Variants in SLC12A6 observed in about 807,000 individuals in gnomAD.
The protein encoded by SLC12A6 is K-Cl cotransporter 3.
Under a neutral mutation model 135.3 loss-of-function variants are expected in SLC12A6, and 66 were observed. The ratio of observed to expected loss-of-function variants is 0.49; its 90% confidence interval spans 0.40 to 0.60. The LOEUF is 0.60. Ranked by LOEUF, SLC12A6 falls within the 20% of genes least tolerant of loss-of-function variation. SLC12A6 has a pLI of 0.00. For missense variants in SLC12A6, 1,058 were observed against 1,452.3 expected (o/e 0.73, Z 4.41); for synonymous variants, 513 against 508.8 (o/e 1.01, Z -0.11).
At chr15:34,319,313 G>C (rs967674382) in intron 2 of SLC12A6, among the ~76,000 whole-genome samples, 6 of 148,236 alleles carry the variant, frequency 4.0e-5, no homozygotes, top group African/African-American at 1.5e-4. Context: ...TTTTTTTTTT[G>C]TATTTTTAGT....
intron 3 of SLC12A6, among the ~76,000 whole-genome samples, chr15:34,268,407 T>C (rs1281941155): frequency 6.6e-6 from 1 of 152,192 alleles, no homozygotes; most frequent in Admixed American, 6.5e-5. Context: ...GGTAGTGTTG[T>C]GCAATGGGAG....
chr15:34,259,382 G>A (rs1043754791), intron 4 of SLC12A6, among the ~76,000 whole-genome samples: 1 of 151,826 alleles, frequency 6.6e-6, no homozygotes, highest in Non-Finnish European at 1.5e-5. Flanking sequence ...GGGCATGGTG[G>A]CTCACACCTG....
chr15:34,269,413 TTATAC>T (rs1241313369), intron 3 of SLC12A6, among the ~76,000 whole-genome samples: 5 of 152,220 alleles, frequency 3.3e-5, no homozygotes, highest in Admixed American at 2.0e-4. Context: ...CAATTACCAC[TTATAC>T]TATAATTTGG....
intron 2 of SLC12A6, chr15:34,318,909 A>C: frequency 1.9e-6 from 2 of 1,037,970 alleles, no homozygotes; most frequent in Non-Finnish European, 2.6e-6. Context: ...AGGATTAAGC[A>C]CTCCACCCTT....
chr15:34,326,223 T>C (rs776222746), intron 2 of SLC12A6, among the ~76,000 whole-genome samples: 4 of 152,172 alleles, frequency 2.6e-5, no homozygotes, highest in African/African-American at 4.8e-5. Context: ...AGATAGGACC[T>C]GAGAATCCCA....
At chr15:34,326,858 CTT>C (rs397963192) in intron 2 of SLC12A6, among the ~76,000 whole-genome samples, 17 of 72,172 alleles carry the variant, frequency 2.4e-4, no homozygotes, top group East Asian at 1.3e-3. Flanking sequence ...CAACTGGCTG[CTT>C]TTTTTTTTTT....
intron 2 of SLC12A6, among the ~76,000 whole-genome samples, chr15:34,333,238 T>C (rs905706487): frequency 2.0e-5 from 3 of 150,320 alleles, no homozygotes; most frequent in Admixed American, 6.6e-5. Context: ...TTTTCTTTTT[T>C]TTTTTTTTTG....
chr15:34,238,138 C>T, intron 21 of SLC12A6, 94 bp downstream of exon 21: 1 of 907,356 alleles, frequency 1.1e-6, no homozygotes, highest in South Asian at 1.3e-5. Flanking sequence ...TTCTAAACCC[C>T]AACACTATTA....
intron 24 of SLC12A6, among the ~76,000 whole-genome samples, 188 bp downstream of exon 24, chr15:34,235,827 A>T (rs575233554): frequency 6.6e-6 from 1 of 152,296 alleles, no homozygotes; most frequent in East Asian, 1.9e-4. Context: ...GAGGTGAACT[A>T]TGTGGATAGA....
chr15:34,256,256 C>T lies in SLC12A6; in HGVS notation c.718G>A (p.Ala240Thr). The change falls in exon 7 of 26, where the codon GCC becomes ACC. Residue 240 changes from alanine to threonine, a missense_variant. By Grantham distance (58) the Ala-to-Thr change is moderately conservative (BLOSUM62 0). This residue lies in a region of SLC12A6 where 139 missense variants were observed against 202.2 expected (regional missense o/e 0.69). Coordinates refer to ENST00000354181, the MANE Select transcript of SLC12A6 (RefSeq NM_001365088.1). ...CTMLTAISMSAIATNGVVPAG... is the reference protein window; with the variant it reads ...CTMLTAISMSTIATNGVVPAG... ...GGCACCACTCCATTAGTGGCAATGG[C>T]ACTCATGGAGATAGCAGTCAACATT... 1 of 1,607,728 alleles carries T rather than the reference C, an allele frequency of 6.2e-7. No individual in the cohort carries two copies. Among genetic ancestry groups the T allele is most frequent in the Non-Finnish European group, 8.5e-7 (1 of 1,174,158 alleles).
At chr15:34,300,396 G>A (rs1239233904) in intron 2 of SLC12A6, among the ~76,000 whole-genome samples, 3 of 152,130 alleles carry the variant, frequency 2.0e-5, no homozygotes, top group Non-Finnish European at 4.4e-5. Flanking sequence ...AGTGTCGACA[G>A]TACAACATTG....
chr15:34,337,052 C>T, intron 1 of SLC12A6: 1 of 333,788 alleles, frequency 3.0e-6, no homozygotes, highest in Non-Finnish European at 5.7e-6. Context: ...AGCCTCCCTC[C>T]CCTCAGCCCC....
chr15:34,297,723 A>G (rs931406283), intron 2 of SLC12A6, among the ~76,000 whole-genome samples: 3 of 152,240 alleles, frequency 2.0e-5, no homozygotes, highest in African/African-American at 7.2e-5. Context: ...GGAGGAATAA[A>G]TACAGCACAT....
At chr15:34,287,806 C>T (rs1195931155) in intron 2 of SLC12A6, among the ~76,000 whole-genome samples, 1 of 152,132 alleles carries the variant, frequency 6.6e-6, no homozygotes, top group Non-Finnish European at 1.5e-5. Context: ...ATATCCTTTG[C>T]CCATTTTTTG....
Position 34,244,045 on chromosome 15 carries a change from T to C in SLC12A6, c.1971A>G (p.Val657=). ...ATGTTTGCAAGGCACATGCCAAGTT[T>C]ACAAAGAGGTAACACATGAGAAAAA... ...SMFFLMCYLF[V]NLACALQTLL... is the part of the protein sequence containing the mutation. Residue 657 remains valine, a synonymous_variant, in exon 16 of 26, where the codon GTA becomes GTG. Coordinates refer to ENST00000354181, the MANE Select transcript of SLC12A6 (RefSeq NM_001365088.1). 1 of 1,604,410 alleles carries C rather than the reference T, an allele frequency of 6.2e-7. No individual in the cohort carries two copies. Among genetic ancestry groups the C allele is most frequent in the South Asian group, 1.1e-5 (1 of 90,892 alleles).
intron 2 of SLC12A6, among the ~76,000 whole-genome samples, chr15:34,309,717 A>G (rs1888016228): frequency 1.3e-5 from 2 of 152,246 alleles, no homozygotes; most frequent in Non-Finnish European, 2.9e-5. Context: ...TCAGAGAGGT[A>G]TTAGTCTTTC....
chr15:34,316,394 G>C (rs939059822), intron 2 of SLC12A6, among the ~76,000 whole-genome samples: 1 of 151,482 alleles, frequency 6.6e-6, no homozygotes, highest in Admixed American at 6.6e-5. Context: ...TTTACTCCTA[G>C]GTTTAAAAAA....
At chr15:34,298,475 AAAATAAAT>A (rs147699591) in intron 2 of SLC12A6, among the ~76,000 whole-genome samples, 3 of 148,902 alleles carry the variant, frequency 2.0e-5, no homozygotes, top group South Asian at 2.1e-4. Flanking sequence ...ACTCTGTCTC[AAAATAAAT>A]AAATAAATAA....
intron 2 of SLC12A6, among the ~76,000 whole-genome samples, chr15:34,295,155 G>A (rs1170777498): frequency 6.6e-6 from 1 of 152,122 alleles, no homozygotes; most frequent in Non-Finnish European, 1.5e-5. Context: ...GTACTATCAT[G>A]ATTGTTCCAT....
Sources: gnomAD v4.1 joint callset for allele counts (sites outside exome capture counted in the v4.1 genomes callset) on GRCh38, gnomAD v4.1.1 for gene constraint, gnomAD v4.1.1 regional missense constraint, MANE v1.5 for transcripts, NCBI Gene and HGNC (gene_info 2026-07-23, HGNC 2026-07-21) for gene names.